The following CDCP1 variants were observed in gnomAD, a reference collection of about 807,000 sequenced individuals.
The protein encoded by CDCP1 is CUB domain-containing protein 1.
CDCP1 carries 29 observed loss-of-function variants against 60.2 expected under a neutral mutation model. The observed-to-expected ratio is 0.48, with a 90% confidence interval of 0.36 to 0.66. The LOEUF (loss-of-function observed/expected upper bound fraction) is 0.66. Ranked by LOEUF, CDCP1 falls within the 30% of genes least tolerant of loss-of-function variation. CDCP1 has a pLI of 0.00. For synonymous variants in CDCP1, 387 were observed against 431.1 expected, an observed-to-expected ratio of 0.90 and a Z score of 1.27; for missense variants, 876 against 1,074.3, an observed-to-expected ratio of 0.82 and a Z score of 2.58.
At chr3:45,109,453 G>A (rs1698650544) in intron 4 of CDCP1, among the ~76,000 whole-genome samples, 1 of 151,934 alleles carries the variant, frequency 6.6e-6, no homozygotes. Flanking sequence ...GTAAATAATA[G>A]TAAAAACAAG....
At chr3:45,112,734 C>T (rs1330547197) in intron 2 of CDCP1, among the ~76,000 whole-genome samples, 3 of 152,220 alleles carry the variant, frequency 2.0e-5, no homozygotes, top group Admixed American at 6.5e-5. Context: ...GTGCTGTCTA[C>T]AGCCAATAAT....
rs759581346 is a variant in CDCP1, at chr3:45,089,040, G to A, written c.2081+14C>T. ...GCATCAAATCAGATAAAGAGAGTAA[G>A]AGATTCCACCTACTTCTTTTTCACA... On this transcript the variant is annotated intron_variant, in intron 8 of 8. Coordinates refer to ENST00000296129, the MANE Select transcript of CDCP1 (RefSeq NM_022842.5). The A allele has an allele frequency of 6.2e-7, 1 of 1,604,656 alleles. No homozygotes were observed. The highest frequency in any genetic ancestry group is 1.1e-5 in the South Asian group (1 of 90,826).
At position 45,118,509 on chromosome 3, in the gene CDCP1, T is replaced by C. The variant is rs1232263256; in HGVS notation, c.195A>G (p.Ile65Met). The change falls in exon 2 of 9, where the codon ATA becomes ATG. Residue 65 changes from isoleucine to methionine, a missense_variant. By Grantham distance (10) the Ile-to-Met change is conservative. Transcript: ENST00000296129. ...PCYIVISKRH[I>M]TMLSIKSGER... ...CTCCAGACTTGATGGACAACATGGT[T>C]ATATGTCTTTTAGAAATGACGATGT... 1 of 1,614,196 alleles carries C rather than the reference T, an allele frequency of 6.2e-7. No individual in the cohort carries two copies.
intron 1 of CDCP1, 117 bp downstream of exon 1, chr3:45,146,089 T>TATCCGCACC (rs1699381764): frequency 2.3e-6 from 2 of 851,990 alleles, no homozygotes; most frequent in Non-Finnish European, 3.5e-6. Context: ...CCCCGCCCTC[T>TATCCGCACC]CTCCGCACCC....
chr3:45,117,065 T>A (rs1698804421), intron 2 of CDCP1, among the ~76,000 whole-genome samples: 1 of 152,208 alleles, frequency 6.6e-6, no homozygotes. Context: ...TATTAGTCAT[T>A]AAGTGTAGTT....
At chr3:45,139,027 G>A (rs1414384256) in intron 1 of CDCP1, among the ~76,000 whole-genome samples, 2 of 152,060 alleles carry the variant, frequency 1.3e-5, no homozygotes, top group Admixed American at 6.5e-5. Context: ...AGCAAGAGAA[G>A]AAGCAAGGGC....
Position 45,085,843 on chromosome 3 carries a change from A to G in CDCP1, c.2306T>C (p.Met769Thr). Residue 769 changes from methionine (M) to threonine (T), a missense_variant, in exon 9 of 9, where the codon ATG becomes ACG. Physicochemically the swap from Met to Thr is moderately conservative, Grantham distance 81 (BLOSUM62 -1). Transcript: ENST00000296129. The surrounding 1 kb of genome is among the most constrained non-coding windows in gnomAD (Gnocchi z 4.2). ...VDTYRPFQGT[M>T]GVCPPSPPTI... ...GGGTGGGGAGGGAGGACAGACCCCC[A>G]TGGTGCCCTGGAACGGCCGGTAGGT... is the stretch of plus-strand genomic sequence containing the variant. The G allele has an allele frequency of 6.2e-7, 1 of 1,614,130 alleles. No homozygotes were observed. The highest frequency in any genetic ancestry group is 2.2e-5 in the East Asian group (1 of 44,876).
At chr3:45,094,646 A>T (rs1397683366) in intron 5 of CDCP1, among the ~76,000 whole-genome samples, 1 of 144,440 alleles carries the variant, frequency 6.9e-6, no homozygotes, top group Non-Finnish European at 1.5e-5. Flanking sequence ...AAAGTTCTTG[A>T]CCTCAGGAAT....
intron 1 of CDCP1, among the ~76,000 whole-genome samples, chr3:45,126,027 G>A (rs1576112445): frequency 1.3e-5 from 2 of 152,320 alleles, no homozygotes; most frequent in South Asian, 4.1e-4. Flanking sequence ...GTACCACAAT[G>A]AGCTGCCCTC....
Position 45,083,844 on chromosome 3 carries a change from G to A in CDCP1, c.*1794C>T, listed in dbSNP as rs1030750704. 6.6e-6 allele frequency: 1 copy of A among 151,804 alleles called. No individual in the cohort carries two copies. The highest frequency in any genetic ancestry group is 1.5e-5 in the Non-Finnish European group (1 of 67,998). 9.4% of individuals were successfully genotyped at this position (151,804 alleles called of 1,614,324 possible). On this transcript the variant is annotated 3_prime_UTR_variant, in exon 9 of 9. Coordinates refer to ENST00000296129, the MANE Select transcript of CDCP1 (RefSeq NM_022842.5). Reference sequence around the variant, plus strand: ...GAATTGCTTGAGCCCAGGAGGCAGAGGTTGCAGTGAGCCGAGATTGCGCCA... The same window carrying A: ...GAATTGCTTGAGCCCAGGAGGCAGAAGTTGCAGTGAGCCGAGATTGCGCCA...
In CDCP1 at chr3:45,091,159, CT is replaced by C. The variant is rs1396121518; in HGVS notation, c.1993+13del. On this transcript the variant is annotated intron_variant, in intron 7 of 8. Coordinates refer to ENST00000296129, the MANE Select transcript of CDCP1 (RefSeq NM_022842.5). The surrounding 1 kb of genome is among the most constrained non-coding windows in gnomAD (Gnocchi z 4.8). ...TTGTTCATCACTGTCCCCAAAGACC[CT>C]GAAGGCCCTTACCCACAGTCCTTGG... The C allele has an allele frequency of 6.2e-7, 1 of 1,602,870 alleles. No individual in the cohort carries two copies. The highest frequency in any genetic ancestry group is 8.5e-7 in the Non-Finnish European group (1 of 1,172,806).
chr3:45,140,211 C>T (rs1246966410), intron 1 of CDCP1, among the ~76,000 whole-genome samples: 1 of 152,334 alleles, frequency 6.6e-6, no homozygotes, highest in South Asian at 2.1e-4. Context: ...AAAATAAAGA[C>T]AACAGCCCGA....
chr3:45,137,462 G>A (rs775373815), intron 1 of CDCP1, among the ~76,000 whole-genome samples: 18 of 151,988 alleles, frequency 1.2e-4, no homozygotes, highest in African/African-American at 2.7e-4. Context: ...GGCACCATTC[G>A]GGTTGTGGTG....
intron 1 of CDCP1, among the ~76,000 whole-genome samples, chr3:45,129,479 A>G (rs1295820679): frequency 6.6e-6 from 1 of 152,254 alleles, no homozygotes; most frequent in Non-Finnish European, 1.5e-5. Flanking sequence ...AATAATTCAT[A>G]CAAGATGCTA....
At chr3:45,139,343 C>T (rs2126009847) in intron 1 of CDCP1, 1 of 152,378 alleles carries the variant, frequency 6.6e-6, no homozygotes, top group Non-Finnish European at 1.5e-5. Context: ...AGCAACTTGC[C>T]CAGCTCACCT....
intron 2 of CDCP1, among the ~76,000 whole-genome samples, chr3:45,115,446 C>G (rs1294145073): frequency 6.6e-6 from 1 of 152,164 alleles, no homozygotes; most frequent in Non-Finnish European, 1.5e-5. Flanking sequence ...AGAGTAGCAT[C>G]AAACTATATA....
rs1296050633 is a variant in CDCP1 at position 45,110,900 on chromosome 3, T to C, written c.656-59A>G. 4 of 1,547,474 alleles carry C rather than the reference T, an allele frequency of 2.6e-6. No individual in the cohort carries two copies. The Admixed American group carries it at 5.7e-5, about 22-fold the overall frequency. ...GGGAGCCATTAGACCCTGTCCTGGT[T>C]GTCTGCAGCCGAGGGGTGGGGGTGT... On this transcript the variant is annotated intron_variant, in intron 3 of 8. Transcript: ENST00000296129.
chr3:45,145,432 C>T (rs765956809), intron 1 of CDCP1, among the ~76,000 whole-genome samples: 3 of 152,194 alleles, frequency 2.0e-5, no homozygotes, highest in Non-Finnish European at 4.4e-5. Context: ...TGGCACAGGT[C>T]ACTGGGACGT....
rs541083322 is a variant in CDCP1 at position 45,138,001 on chromosome 3, A to T, written c.82+8205T>A. The stretch of plus-strand genomic sequence containing the variant: ...CATGGAGATCTAGCTCTAGTTTCAC[A>T]GACTGGCAAACTGCAGCCCAGTCTT... On this transcript the variant is annotated intron_variant, in intron 1 of 8. Transcript: ENST00000296129. 2.2e-4 allele frequency among the ~76,000 whole-genome samples: 33 copies of T among 152,300 alleles called. No homozygotes were observed. The South Asian group carries it at 3.7e-3, about 17-fold the overall frequency.
Sources: allele counts gnomAD v4.1 joint callset (sites outside exome capture counted in the v4.1 genomes callset), GRCh38; gene constraint gnomAD v4.1.1; non-coding constraint Gnocchi (gnomAD v3.1); transcripts MANE v1.5; gene names NCBI Gene and HGNC (gene_info 2026-07-23, HGNC 2026-07-21).